Variants in DPYSL3 observed in about 807,000 individuals in gnomAD.
DPYSL3 encodes the protein dihydropyrimidinase like 3.
DPYSL3 carries 16 observed loss-of-function variants against 66.1 expected under a neutral mutation model. The observed-to-expected ratio is 0.24, with a 90% CI of 0.16 to 0.37. The LOEUF (loss-of-function observed/expected upper bound fraction) is 0.37. Ranked by LOEUF, DPYSL3 falls within the 10% of genes least tolerant of loss-of-function variation. DPYSL3 has a pLI of 1.00. For missense variants in DPYSL3, 738 were observed against 916.2 expected (o/e 0.81, Z 2.51); for synonymous variants, 338 against 345.1 (o/e 0.98, Z 0.23).
intron 1 of DPYSL3, among the ~76,000 whole-genome samples, chr5:147,471,872 G>A (rs1210079456): frequency 6.6e-6 from 1 of 152,144 alleles, no homozygotes; most frequent in Non-Finnish European, 1.5e-5. Flanking sequence ...ATGCTTGCCT[G>A]CCATATGCCA....
intron 1 of DPYSL3, among the ~76,000 whole-genome samples, chr5:147,433,851 G>A (rs1752360261): frequency 6.6e-6 from 1 of 152,054 alleles, no homozygotes; most frequent in Non-Finnish European, 1.5e-5. Flanking sequence ...GGCCAACATG[G>A]TGAAACCCCG....
At chr5:147,398,231 C>T (rs886102100) in intron 11 of DPYSL3, among the ~76,000 whole-genome samples, 1 of 152,254 alleles carries the variant, frequency 6.6e-6, no homozygotes, top group East Asian at 1.9e-4. Context: ...TGAGATGACA[C>T]AATATTTAAG....
In DPYSL3 at chr5:147,509,626, C is replaced by G. The variant is rs1010051025; in HGVS notation, c.233G>C (p.Arg78Pro). ...GQGSDRGSGSRPGIEGDTPRR... is the reference protein window; with the variant it reads ...GQGSDRGSGSPPGIEGDTPRR... The stretch of plus-strand genomic sequence containing the variant: ...CGGGGTGTCCCCCTCGATCCCGGGC[C>G]GACTCCCCGATCCTCGGTCGCTGCC... Residue 78 changes from arginine (R) to proline (P), a missense_variant, in exon 1 of 14, where the codon CGG becomes CCG. Physicochemically the swap from Arg to Pro is moderately radical, Grantham distance 103. Transcript: ENST00000343218. The surrounding 1 kb of genome is among the most constrained non-coding windows in gnomAD (Gnocchi z 5.3). 6.5e-7 allele frequency: 1 copy of G among 1,535,506 alleles called. No individual in the cohort carries two copies. The highest frequency in any genetic ancestry group is 1.4e-5 in the African/African-American group (1 of 73,038).
chr5:147,435,868 A>G (rs1348132599), intron 1 of DPYSL3, among the ~76,000 whole-genome samples: 2 of 152,222 alleles, frequency 1.3e-5, no homozygotes, highest in African/African-American at 4.8e-5. Flanking sequence ...AAATAAATGG[A>G]TATGCAGCAT....
rs1303628898 is a variant in DPYSL3 at position 147,415,728 on chromosome 5, C to T, written c.801G>A (p.Gln267=). The part of the protein sequence containing the change: ...HWNDSVKQEV[Q]NLIKDKGVNS... ...GCTCACCTTTGTCCTTGATGAGGTT[C>T]TGCACTTCCTGCTTGACGCTGTCAT... Residue 267 remains glutamine, a synonymous_variant, in exon 4 of 14, where the codon CAG becomes CAA. Transcript: ENST00000343218. The T allele has an allele frequency of 6.2e-7, 1 of 1,614,014 alleles. No homozygotes were observed. Among genetic ancestry groups the T allele is most frequent in the East Asian group, 2.2e-5 (1 of 44,862 alleles).
chr5:147,480,467 T>C (rs1753218785), intron 1 of DPYSL3, among the ~76,000 whole-genome samples: 1 of 152,160 alleles, frequency 6.6e-6, no homozygotes, highest in Non-Finnish European at 1.5e-5. Context: ...AAATCCCCTC[T>C]GTCTGAAGCA....
rs116820612 is a variant in DPYSL3, at chr5:147,403,950, T to C, written c.1153+1660A>G. 6.0e-3 allele frequency among the ~76,000 whole-genome samples: 909 copies of C among 152,162 alleles called. 11 individuals carry two copies. Among genetic ancestry groups the C allele is most frequent in the African/African-American group, 0.021 (884 of 41,514 alleles). On this transcript the variant is annotated intron_variant, in intron 8 of 13. Coordinates refer to ENST00000343218, the MANE Select transcript of DPYSL3 (RefSeq NM_001197294.2). Reference sequence around the variant, plus strand: ...CATGAAGTTTAAAATAAGACCAGCATATAACTAAAACACCCTGTCCCGAGC... The same window carrying C: ...CATGAAGTTTAAAATAAGACCAGCACATAACTAAAACACCCTGTCCCGAGC...
chr5:147,414,588 G>C (rs796343910), intron 4 of DPYSL3, among the ~76,000 whole-genome samples: 46 of 152,274 alleles, frequency 3.0e-4, no homozygotes, highest in African/African-American at 1.1e-3. Context: ...CTTCCCAAAA[G>C]CCTCTACATT....
At chr5:147,476,456 G>A (rs1314734796) in intron 1 of DPYSL3, among the ~76,000 whole-genome samples, 1 of 152,110 alleles carries the variant, frequency 6.6e-6, no homozygotes, top group Non-Finnish European at 1.5e-5. Context: ...GGGAAATGAA[G>A]ACAAAAATAA....
intron 1 of DPYSL3, among the ~76,000 whole-genome samples, chr5:147,452,923 ACACAT>A (rs1752764925): frequency 1.4e-5 from 2 of 146,788 alleles, no homozygotes; most frequent in African/African-American, 5.1e-5. Flanking sequence ...ACACACACAC[ACACAT>A]AAAGTTGATC....
Position 147,397,685 on chromosome 5 carries a change from C to A in DPYSL3, c.1784G>T (p.Arg595Leu). ...CSPFSDYVYKRIKARRKMADL... is the reference protein window; with the variant it reads ...CSPFSDYVYKLIKARRKMADL... Reference sequence around the variant, plus strand: ...TTTTACCTTCCTCCGTGCTTTAATGCGCTTGTAGACATAGTCGGAGAACGG... The same window carrying A: ...TTTTACCTTCCTCCGTGCTTTAATGAGCTTGTAGACATAGTCGGAGAACGG... The change falls in exon 12 of 14, where the codon CGC becomes CTC. Residue 595 changes from arginine to leucine, a missense_variant. Transcript: ENST00000343218. The A allele has an allele frequency of 1.9e-6, 3 of 1,613,870 alleles. No individual in the cohort carries two copies. Among genetic ancestry groups the A allele is most frequent in the Non-Finnish European group, 2.5e-6 (3 of 1,179,874 alleles).
intron 1 of DPYSL3, among the ~76,000 whole-genome samples, chr5:147,435,003 G>A (rs79239371): frequency 0.025 from 3,781 of 152,278 alleles, 155 homozygotes; most frequent in African/African-American, 0.083. Flanking sequence ...TGGGGGTGAG[G>A]AGGGAGTGAG....
intron 1 of DPYSL3, among the ~76,000 whole-genome samples, chr5:147,426,958 C>T (rs1168759751): frequency 6.6e-6 from 1 of 152,160 alleles, no homozygotes; most frequent in African/African-American, 2.4e-5. Flanking sequence ...AAAGGTCCAC[C>T]ACACATGATA....
At chr5:147,433,861 G>A (rs557985011) in intron 1 of DPYSL3, among the ~76,000 whole-genome samples, 9 of 151,868 alleles carry the variant, frequency 5.9e-5, no homozygotes, top group Admixed American at 1.3e-4. Flanking sequence ...GTGAAACCCC[G>A]TCTCTACTAA....
intron 1 of DPYSL3, among the ~76,000 whole-genome samples, chr5:147,480,838 T>G (rs572076592): frequency 1.1e-3 from 164 of 151,878 alleles, no homozygotes; most frequent in African/African-American, 3.6e-3. Context: ...TTCTTCTGCC[T>G]TAGACTCCTG....
intron 1 of DPYSL3, among the ~76,000 whole-genome samples, chr5:147,452,927 AT>A (rs59442754): frequency 1.7e-4 from 22 of 132,642 alleles, no homozygotes; most frequent in African/African-American, 6.2e-4. Flanking sequence ...ACACACACAC[AT>A]AAAGTTGATC....
chr5:147,423,669 T>A (rs192836316), intron 2 of DPYSL3, among the ~76,000 whole-genome samples: 1 of 151,372 alleles, frequency 6.6e-6, no homozygotes, highest in African/African-American at 2.4e-5. Flanking sequence ...GTGTCAGAAT[T>A]GCTATGATTG....
At chr5:147,478,437 A>C (rs1753192392) in intron 1 of DPYSL3, among the ~76,000 whole-genome samples, 1 of 152,210 alleles carries the variant, frequency 6.6e-6, no homozygotes, top group Non-Finnish European at 1.5e-5. Context: ...ATGGTGTAAG[A>C]AGATGGTACC....
chr5:147,432,917 G>T (rs990895584), intron 1 of DPYSL3, among the ~76,000 whole-genome samples: 1 of 152,162 alleles, frequency 6.6e-6, no homozygotes, highest in Non-Finnish European at 1.5e-5. Context: ...TGCTGCCTTC[G>T]AGAGGGCTCT....
Sources: gnomAD v4.1 joint callset for allele counts (sites outside exome capture counted in the v4.1 genomes callset) on GRCh38, gnomAD v4.1.1 for gene constraint, Gnocchi (gnomAD v3.1) non-coding constraint, MANE v1.5 for transcripts, NCBI Gene and HGNC (gene_info 2026-07-23, HGNC 2026-07-21) for gene names.